The following GALNT17 variants were observed in gnomAD, a reference collection of about 807,000 sequenced individuals.
GALNT17 encodes UDP-GalNAc:polypeptide N-acetylgalactosaminyltransferase-like 3.
GALNT17 carries 29 observed loss-of-function variants against 63.7 expected under a neutral mutation model. The observed-to-expected ratio is 0.46, with a 90% CI of 0.34 to 0.62. GALNT17 has a LOEUF of 0.62. Among genes scored for constraint, GALNT17 ranks in the 20% least tolerant of loss-of-function variants. The pLI, the probability that GALNT17 is intolerant of heterozygous loss-of-function variation, is 0.01. For missense variants in GALNT17, 603 were observed against 799.6 expected (o/e 0.75, Z 2.97); for synonymous variants, 305 against 318.3 (o/e 0.96, Z 0.45).
At chr7:71,648,246 C>A (rs1488685879) in intron 6 of GALNT17, among the ~76,000 whole-genome samples, 1 of 152,032 alleles carries the variant, frequency 6.6e-6, no homozygotes, top group East Asian at 1.9e-4. Flanking sequence ...CAACAACCCT[C>A]AGATCAGCTG....
intron 4 of GALNT17, among the ~76,000 whole-genome samples, chr7:71,420,584 A>G (rs1038718388): frequency 2.0e-5 from 3 of 152,206 alleles, no homozygotes; most frequent in African/African-American, 7.2e-5. Context: ...CGTCAGTATG[A>G]GAAGTGAGAC....
chr7:71,252,129 C>A (rs994172054), intron 1 of GALNT17, among the ~76,000 whole-genome samples: 1 of 151,688 alleles, frequency 6.6e-6, no homozygotes, highest in South Asian at 2.1e-4. Context: ...TGGTTATACC[C>A]GATATCCTTT....
chr7:71,548,077 AT>A (rs1278244290), intron 5 of GALNT17, among the ~76,000 whole-genome samples: 10 of 150,978 alleles, frequency 6.6e-5, no homozygotes, highest in African/African-American at 1.7e-4. Flanking sequence ...AAAATAAAAA[AT>A]TTTTTTTTTT....
intron 5 of GALNT17, among the ~76,000 whole-genome samples, chr7:71,496,312 A>C (rs1012711446): frequency 1.3e-5 from 2 of 151,958 alleles, no homozygotes; most frequent in African/African-American, 4.8e-5. Flanking sequence ...GCTGGCTCAA[A>C]GCATCAGTGG....
chr7:71,336,781 A>G (rs1273778261), intron 2 of GALNT17, among the ~76,000 whole-genome samples: 9 of 152,214 alleles, frequency 5.9e-5, no homozygotes, highest in Admixed American at 5.9e-4. Context: ...GCTACAGTGA[A>G]TAGTGCTATA....
At chr7:71,336,401 T>C (rs1791908484) in intron 2 of GALNT17, among the ~76,000 whole-genome samples, 1 of 152,148 alleles carries the variant, frequency 6.6e-6, no homozygotes, top group African/African-American at 2.4e-5. Context: ...AGGTTTGTTA[T>C]ATAGGTTAAT....
chr7:71,496,968 C>T (rs1788106694), intron 5 of GALNT17, among the ~76,000 whole-genome samples: 1 of 151,994 alleles, frequency 6.6e-6, no homozygotes, highest in African/African-American at 2.4e-5. Flanking sequence ...GTCCCAGCTA[C>T]TCAGGAGGCT....
chr7:71,276,657 C>T (rs1343863949), intron 1 of GALNT17, among the ~76,000 whole-genome samples: 2 of 152,156 alleles, frequency 1.3e-5, no homozygotes, highest in African/African-American at 4.8e-5. Flanking sequence ...TGTGAGGCCT[C>T]CCCAGCCATG....
At chr7:71,554,223 T>G (rs969267200) in intron 5 of GALNT17, among the ~76,000 whole-genome samples, 24 of 152,272 alleles carry the variant, frequency 1.6e-4, no homozygotes, top group South Asian at 8.3e-4. Context: ...AGGGACCCAG[T>G]GGGAGGTAGT....
At chr7:71,176,761 A>T (rs780636483) in intron 1 of GALNT17, among the ~76,000 whole-genome samples, 29 of 152,226 alleles carry the variant, frequency 1.9e-4, no homozygotes, top group Non-Finnish European at 2.6e-4. Flanking sequence ...TGTGTCCCCA[A>T]GCCTGCTGGG....
At chr7:71,386,685 C>T (rs1429243939) in intron 2 of GALNT17, among the ~76,000 whole-genome samples, 3 of 152,070 alleles carry the variant, frequency 2.0e-5, no homozygotes, top group Admixed American at 6.5e-5. Context: ...TTAATCACTG[C>T]GCTCGGGCAT....
intron 5 of GALNT17, among the ~76,000 whole-genome samples, chr7:71,558,360 A>T (rs1216128805): frequency 6.6e-6 from 1 of 152,052 alleles, no homozygotes; most frequent in East Asian, 1.9e-4. Context: ...GAACATTTGA[A>T]TTTTCGTGTG....
chr7:71,669,989 C>G lies in GALNT17; in HGVS notation c.1284C>G (p.Ile428Met). Reference protein sequence around the residue: ...NLPLENPGIDIGDVSERRALR... With the variant: ...NLPLENPGIDMGDVSERRALR... Reference sequence around the variant, plus strand: ...CCTTTCAGAATCCGGGAATTGACATCGGTGATGTCTCCGAAAGAAGAGCAT... The same window carrying G: ...CCTTTCAGAATCCGGGAATTGACATGGGTGATGTCTCCGAAAGAAGAGCAT... Residue 428 changes from isoleucine (I) to methionine (M), a missense_variant, in exon 8 of 11, where the codon ATC (isoleucine) becomes ATG (methionine). Physicochemically the swap from Ile to Met is conservative, Grantham distance 10. Around this residue, in one of 3 missense-constraint regions of GALNT17, gnomAD observed 336 missense variants for 507.8 expected, o/e 0.66. Transcript: ENST00000333538. The G allele has an allele frequency of 6.2e-7, 1 of 1,614,038 alleles. No homozygotes were observed. Among genetic ancestry groups the G allele is most frequent in the Non-Finnish European group, 8.5e-7 (1 of 1,179,992 alleles).
At chr7:71,292,317 G>A (rs1439034846) in intron 1 of GALNT17, among the ~76,000 whole-genome samples, 1 of 152,166 alleles carries the variant, frequency 6.6e-6, no homozygotes, top group African/African-American at 2.4e-5. Flanking sequence ...GGCACACCTT[G>A]GTTGGGTGTT....
At chr7:71,557,377 A>C (rs1159939590) in intron 5 of GALNT17, among the ~76,000 whole-genome samples, 2 of 152,084 alleles carry the variant, frequency 1.3e-5, no homozygotes, top group Non-Finnish European at 2.9e-5. Context: ...CTTTTATCAA[A>C]GTTGTTCTTG....
chr7:71,626,436 G>A (rs1790377898), intron 6 of GALNT17, among the ~76,000 whole-genome samples: 1 of 152,140 alleles, frequency 6.6e-6, no homozygotes, highest in South Asian at 2.1e-4. Flanking sequence ...CAGTCTTTGG[G>A]ACTTTGCTAT....
chr7:71,651,490 C>G (rs957872393), intron 6 of GALNT17, among the ~76,000 whole-genome samples: 1 of 151,870 alleles, frequency 6.6e-6, no homozygotes, highest in Admixed American at 6.6e-5. Flanking sequence ...TTTTAGTAGA[C>G]ACGGGGTTTC....
At chr7:71,305,128 T>A (rs1342139758) in intron 1 of GALNT17, among the ~76,000 whole-genome samples, 1 of 152,228 alleles carries the variant, frequency 6.6e-6, no homozygotes, top group Non-Finnish European at 1.5e-5. Flanking sequence ...ATTACAGATA[T>A]AGTTATGGAT....
intron 1 of GALNT17, among the ~76,000 whole-genome samples, chr7:71,192,390 A>G (rs989192481): frequency 6.7e-6 from 1 of 148,536 alleles, no homozygotes; most frequent in African/African-American, 2.6e-5. Context: ...GCAAGTGTAT[A>G]TTTAATTCTT....
Sources: gnomAD v4.1 joint callset for allele counts (sites outside exome capture counted in the v4.1 genomes callset) on GRCh38, gnomAD v4.1.1 for gene constraint, gnomAD v4.1.1 regional missense constraint, MANE v1.5 for transcripts, NCBI Gene and HGNC (gene_info 2026-07-23, HGNC 2026-07-21) for gene names.